The following CD24 variants were observed in gnomAD, a reference collection of about 807,000 sequenced individuals.
The protein encoded by CD24 is signal transducer CD24.
A neutral mutation model predicts 3.6 loss-of-function variants in CD24; 2 were observed. The observed-to-expected ratio is 0.56, with a 90% CI of 0.23 to 1.77. The LOEUF is 1.77. Ranked by LOEUF, CD24 falls within the 40% of genes most tolerant of loss-of-function variation. CD24 has a pLI of 0.18. For missense variants in CD24, 62 were observed against 93.6 expected (o/e 0.66, Z 1.39); for synonymous variants, 33 against 44.9 (o/e 0.74, Z 1.06).
chr6:106,975,487 C>T (rs1239600484), upstream of CD24: 11 of 152,252 alleles, frequency 7.2e-5, no homozygotes, highest in Non-Finnish European at 1.2e-4. Context: ...GCCGCGCCCT[C>T]CCCGAAGCCC....
upstream of CD24, among the ~76,000 whole-genome samples, chr6:106,976,417 A>G (rs1773108869): frequency 6.6e-6 from 1 of 152,226 alleles, no homozygotes; most frequent in Non-Finnish European, 1.5e-5. Flanking sequence ...ATAGTGACTG[A>G]ATTGGTTTGT....
chr6:106,974,474 T>TCTCCC, intron 1 of CD24, 104 bp downstream of exon 1: 3 of 627,562 alleles, frequency 4.8e-6, no homozygotes, highest in Non-Finnish European at 7.6e-6. Context: ...TCCCTGTCCG[T>TCTCCC]GGCCCGAGGC....
chr6:106,974,224 C>A (rs1773046909), intron 1 of CD24, among the ~76,000 whole-genome samples: 1 of 152,180 alleles, frequency 6.6e-6, no homozygotes, highest in African/African-American at 2.4e-5. Context: ...GGAGCCCGAG[C>A]TCTCCAGGCG....
intron 1 of CD24, chr6:106,973,584 T>C: frequency 2.5e-6 from 1 of 398,310 alleles, no homozygotes; most frequent in Non-Finnish European, 4.4e-6. Context: ...GAAGCCCCAG[T>C]GACAGTCCTC....
rs1772956657 is a variant in CD24, at chr6:106,970,943, G to T, written c.*718C>A. ...AGGTGATAGGAAATGCCTACCATTT[G>T]ACTCAATATGGATAATCAAGAGTTG... On this transcript the variant is annotated 3_prime_UTR_variant, in exon 2 of 2. Transcript: ENST00000606017. 1 of 152,226 alleles carries T rather than the reference G, an allele frequency of 6.6e-6. No homozygotes were observed. Among genetic ancestry groups the T allele is most frequent in the African/African-American group, 2.4e-5 (1 of 41,444 alleles). The allele number at this position is 152,226 out of a possible 1,614,324, so 9.4% of individuals were successfully genotyped here.
intron 1 of CD24, chr6:106,973,961 G>A: frequency 2.5e-6 from 1 of 398,422 alleles, no homozygotes; most frequent in Non-Finnish European, 4.4e-6. Context: ...GGACGTGAAA[G>A]GTTGCCTCGC....
intron 1 of CD24, 147 bp downstream of exon 1, chr6:106,974,431 T>C: frequency 3.8e-6 from 2 of 531,216 alleles, no homozygotes; most frequent in African/African-American, 4.0e-5. Flanking sequence ...CATGGCCCTC[T>C]CCCCTGGTCA....
upstream of CD24, chr6:106,975,777 T>A (rs1773099177): frequency 6.6e-6 from 1 of 152,246 alleles, no homozygotes. Context: ...GAACCTCCCC[T>A]CCTGGCGGTC....
At position 106,970,022 on chromosome 6, in the gene CD24, GT is replaced by G. The variant is rs1175130530; in HGVS notation, c.*1638del. On this transcript the variant is annotated 3_prime_UTR_variant, in exon 2 of 2. Coordinates refer to ENST00000606017, the MANE Select transcript of CD24 (RefSeq NM_001359084.1). ...AGCTTCAAAACTGTTCGATCTGTTT[GT>G]TCCCATGTAGTTTTCTAAAGATGGA... 1 of 152,600 alleles carries G rather than the reference GT, an allele frequency of 6.6e-6. No individual in the cohort carries two copies. Among genetic ancestry groups the G allele is most frequent in the Non-Finnish European group, 1.5e-5 (1 of 68,052 alleles). 9.5% of individuals were successfully genotyped at this position (152,600 alleles called of 1,614,324 possible).
At chr6:106,976,493 CAAG>C (rs1690327753), upstream of CD24, among the ~76,000 whole-genome samples, 1 of 152,162 alleles carries the variant, frequency 6.6e-6, no homozygotes, top group East Asian at 1.9e-4. Flanking sequence ...CTTGGGAACA[CAAG>C]AATTTCTGTC....
At chr6:106,976,223 T>C (rs1773106497), upstream of CD24, among the ~76,000 whole-genome samples, 1 of 152,226 alleles carries the variant, frequency 6.6e-6, no homozygotes, top group Non-Finnish European at 1.5e-5. Flanking sequence ...CAATTTTTAA[T>C]TGCAAGACTT....
upstream of CD24, chr6:106,974,892 T>C (rs1436695255): frequency 0.56 from 86,212 of 154,096 alleles, 25,263 homozygotes; most frequent in African/African-American, 0.74. Context: ...CCGCCGCCAC[T>C]GCCACCGCCG....
upstream of CD24, chr6:106,975,675 G>C (rs1471220690): frequency 2.6e-5 from 4 of 152,272 alleles, no homozygotes; most frequent in Non-Finnish European, 4.4e-5. Flanking sequence ...GCGAGGAGGA[G>C]ACGGCCCACC....
rs1772954583 is a variant in CD24 at position 106,970,871 on chromosome 6, G to A, written c.*790C>T. 1 of 152,140 alleles carries A rather than the reference G, an allele frequency of 6.6e-6. No individual in the cohort carries two copies. The highest frequency in any genetic ancestry group is 6.5e-5 in the Admixed American group (1 of 15,270). 9.4% of individuals were successfully genotyped at this position (152,140 alleles called of 1,614,324 possible). The stretch of plus-strand genomic sequence containing the variant: ...CGTGGTCAATGCAATTCTACTCTTT[G>A]GAATCCGTTTAGCTAAATGAATGTA... On this transcript the variant is annotated 3_prime_UTR_variant, in exon 2 of 2. Transcript: ENST00000606017.
intron 1 of CD24, 27 bp from the exon 2 acceptor site, chr6:106,971,861 T>C: frequency 2.1e-6 from 3 of 1,451,254 alleles, no homozygotes; most frequent in Non-Finnish European, 2.8e-6. Context: ...GTTACATGGA[T>C]ACATTTCCAC....
chr6:106,975,248 A>C (rs1391888225), upstream of CD24: 1 of 151,532 alleles, frequency 6.6e-6, no homozygotes, highest in East Asian at 2.0e-4. Flanking sequence ...GGGGCTGCGA[A>C]TTCCAGTGCG....
chr6:106,973,855 G>A (rs1461405317), intron 1 of CD24: 4 of 398,436 alleles, frequency 1.0e-5, no homozygotes, highest in Non-Finnish European at 1.8e-5. Flanking sequence ...ACAAAGCCTG[G>A]CGGGGACTCG....
At chr6:106,973,030 C>G (rs912735554) in intron 1 of CD24, among the ~76,000 whole-genome samples, 1 of 152,128 alleles carries the variant, frequency 6.6e-6, no homozygotes, top group Non-Finnish European at 1.5e-5. Context: ...TGTGTCCCAT[C>G]AGGAAACGGC....
At position 106,971,694 on chromosome 6, in the gene CD24, C is replaced by A. The variant is rs1772977351; in HGVS notation, c.210G>T (p.Val70=). 6.5e-7 allele frequency: 1 copy of A among 1,546,912 alleles called. No homozygotes were observed. The highest frequency in any genetic ancestry group is 2.0e-5 in the Admixed American group (1 of 50,808). Residue 70 remains valine (V), a synonymous_variant, in exon 2 of 2, where the codon GTG becomes GTT. Transcript: ENST00000606017. ...AGAGATGCAGAAGAGAGAGTGAGAC[C>A]ACGAAGAGACTGGCTGTTGACTGCA... is the stretch of plus-strand genomic sequence containing the variant. The part of the protein sequence containing the change: ...GALQSTASLF[V]VSLSLLHLYS
Sources: gnomAD v4.1 joint callset for allele counts (sites outside exome capture counted in the v4.1 genomes callset) on GRCh38, gnomAD v4.1.1 for gene constraint, MANE v1.5 for transcripts, NCBI Gene and HGNC (gene_info 2026-07-23, HGNC 2026-07-21) for gene names.